Variants in CMSS1 observed in about 807,000 individuals in gnomAD.
The protein encoded by CMSS1 is protein CMSS1.
A neutral mutation model predicts 43.5 loss-of-function variants in CMSS1; 33 were observed. The observed-to-expected ratio is 0.76, with a 90% CI of 0.57 to 1.01. The LOEUF (loss-of-function observed/expected upper bound fraction) is 1.01, where lower values mean the gene tolerates loss of function less well. CMSS1 is among the 50% of genes least tolerant of loss of function. The pLI is 0.00. For missense variants in CMSS1, 313 were observed against 326.4 expected (o/e 0.96, Z 0.32); for synonymous variants, 115 against 117.2 (o/e 0.98, Z 0.12).
chr3:99,834,685 G>A (rs1357046217), intron 1 of CMSS1, among the ~76,000 whole-genome samples: 5 of 151,894 alleles, frequency 3.3e-5, no homozygotes, highest in Middle Eastern at 3.4e-3. Flanking sequence ...CCTCTCCTGT[G>A]TCTTTCTCAT....
chr3:99,879,108 C>G (rs1481556725), intron 1 of CMSS1, among the ~76,000 whole-genome samples: 2 of 152,172 alleles, frequency 1.3e-5, no homozygotes, highest in Non-Finnish European at 2.9e-5. Context: ...TACCTAGACA[C>G]CAAGGTCCTT....
Position 100,086,231 on chromosome 3 carries a change from G to A in CMSS1, c.65-60742G>A, listed in dbSNP as rs140265738. 3.0e-3 allele frequency among the ~76,000 whole-genome samples: 453 copies of A among 152,260 alleles called. 2 individuals are homozygous for A. The highest frequency in any genetic ancestry group is 0.01 in the African/African-American group (416 of 41,536). ...GCTTTATTTTATTCAGTCTCAAATA[G>A]TTAACCTATTGAGCTGATTAGAAAA... On this transcript the variant is annotated intron_variant, in intron 1 of 9. Coordinates refer to ENST00000421999, the MANE Select transcript of CMSS1 (RefSeq NM_032359.4).
Position 99,971,076 on chromosome 3 carries a change from G to T in CMSS1, c.64+153033G>T, listed in dbSNP as rs9843300. ...ATGGGGGCTGGGCGTGGTGGCTCAC[G>T]CCTGTAATCCCAGCACTTTGGGAGG... On this transcript the variant is annotated intron_variant, in intron 1 of 9. Coordinates refer to ENST00000421999, the MANE Select transcript of CMSS1 (RefSeq NM_032359.4). Among the ~76,000 whole-genome samples the T allele has an allele frequency of 6.0e-3, 911 of 152,312 alleles. 9 individuals carry two copies. Among genetic ancestry groups the T allele is most frequent in the African/African-American group, 0.021 (855 of 41,572 alleles).
At chr3:100,048,225 G>A (rs547810642) in intron 1 of CMSS1, among the ~76,000 whole-genome samples, 1 of 152,318 alleles carries the variant, frequency 6.6e-6, no homozygotes, top group South Asian at 2.1e-4. Flanking sequence ...TCCTTCCACT[G>A]TCTTTATTTT....
At chr3:99,981,172 C>T (rs763658863) in intron 1 of CMSS1, among the ~76,000 whole-genome samples, 7 of 152,150 alleles carry the variant, frequency 4.6e-5, no homozygotes, top group Non-Finnish European at 8.8e-5. Context: ...GATGTGGTGC[C>T]AATAGTTCTT....
At chr3:99,890,313 T>G (rs764887767) in intron 1 of CMSS1, among the ~76,000 whole-genome samples, 3 of 152,182 alleles carry the variant, frequency 2.0e-5, no homozygotes, top group Non-Finnish European at 2.9e-5. Flanking sequence ...ACTATTTCAT[T>G]TGTATGTACT....
intron 1 of CMSS1, chr3:99,833,022 A>G (rs1255459696): frequency 1.8e-6 from 1 of 550,644 alleles, no homozygotes; most frequent in African/African-American, 1.9e-5. Context: ...TGCAAGAGAA[A>G]TACATGCATA....
chr3:99,930,746 G>A (rs772954502), intron 1 of CMSS1: 1 of 1,608,930 alleles, frequency 6.2e-7, no homozygotes, highest in Admixed American at 1.7e-5. Context: ...AAGCATGATG[G>A]GGATAACTCC....
At chr3:99,922,333 G>A (rs1281782307) in intron 1 of CMSS1, among the ~76,000 whole-genome samples, 3 of 152,168 alleles carry the variant, frequency 2.0e-5, no homozygotes, top group Non-Finnish European at 2.9e-5. Context: ...TGTAATGTCT[G>A]AGTCAAATGT....
chr3:99,906,174 G>A (rs558786460), intron 1 of CMSS1, among the ~76,000 whole-genome samples: 186 of 152,210 alleles, frequency 1.2e-3, no homozygotes, highest in African/African-American at 4.2e-3. Context: ...ATCCACCCTG[G>A]GTGACAGGGC....
At chr3:99,915,803 C>G (rs1706932213) in intron 1 of CMSS1, among the ~76,000 whole-genome samples, 1 of 152,204 alleles carries the variant, frequency 6.6e-6, no homozygotes, top group Non-Finnish European at 1.5e-5. Flanking sequence ...TAGCCTGCAA[C>G]TTTGCATTGC....
chr3:100,015,125 C>T (rs1287851997), intron 1 of CMSS1, among the ~76,000 whole-genome samples: 4 of 151,632 alleles, frequency 2.6e-5, no homozygotes, highest in African/African-American at 9.7e-5. Context: ...ATCCAGTTTT[C>T]CCTGCACCAT....
chr3:100,068,532 G>T (rs2065706226), intron 1 of CMSS1, among the ~76,000 whole-genome samples: 1 of 152,132 alleles, frequency 6.6e-6, no homozygotes, highest in African/African-American at 2.4e-5. Flanking sequence ...GGATTAGTGG[G>T]TGCTGCCAAA....
At chr3:99,893,560 T>G (rs1706159328) in intron 1 of CMSS1, among the ~76,000 whole-genome samples, 1 of 152,186 alleles carries the variant, frequency 6.6e-6, no homozygotes, top group Non-Finnish European at 1.5e-5. Context: ...AAGACTAGAT[T>G]TTGGTTTTTT....
At chr3:100,089,532 C>T (rs1053316152) in intron 1 of CMSS1, among the ~76,000 whole-genome samples, 1 of 152,116 alleles carries the variant, frequency 6.6e-6, no homozygotes, top group Non-Finnish European at 1.5e-5. Context: ...GTCAAAGCCT[C>T]ATGTCAAGCA....
chr3:99,938,274 A>G (rs1423659795), intron 1 of CMSS1, among the ~76,000 whole-genome samples: 1 of 152,192 alleles, frequency 6.6e-6, no homozygotes, highest in Non-Finnish European at 1.5e-5. Flanking sequence ...TATGCACTAC[A>G]CTATTTTTTA....
intron 1 of CMSS1, chr3:99,874,180 T>TA (rs762277750): frequency 2.6e-5 from 4 of 152,146 alleles, no homozygotes; most frequent in Non-Finnish European, 4.4e-5. Flanking sequence ...TTGCCTGCTT[T>TA]AAAAAAATAA....
chr3:99,969,240 T>G (rs1397710861), intron 1 of CMSS1, among the ~76,000 whole-genome samples: 1 of 152,168 alleles, frequency 6.6e-6, no homozygotes, highest in East Asian at 1.9e-4. Flanking sequence ...GGATAATGTA[T>G]GTATAATTCT....
intron 1 of CMSS1, among the ~76,000 whole-genome samples, chr3:99,929,592 A>G (rs1409761964): frequency 1.3e-5 from 2 of 151,946 alleles, no homozygotes; most frequent in Non-Finnish European, 2.9e-5. Context: ...ATGTGCCTGC[A>G]CATGCACGTG....
Sources: allele counts gnomAD v4.1 joint callset (sites outside exome capture counted in the v4.1 genomes callset), GRCh38; gene constraint gnomAD v4.1.1; transcripts MANE v1.5; gene names NCBI Gene and HGNC (gene_info 2026-07-23, HGNC 2026-07-21).